The following SLC9A3 variants were observed in gnomAD, a reference collection of about 807,000 sequenced individuals.
SLC9A3 encodes the protein solute carrier family 9 member A3.
In SLC9A3, 37 loss-of-function variants were observed where a neutral mutation model predicts 86.8. That is an observed-to-expected ratio of 0.43 (90% CI 0.33 to 0.56). The LOEUF is 0.56. Ranked by LOEUF, SLC9A3 falls within the 20% of genes least tolerant of loss-of-function variation. The pLI is 0.06. For synonymous variants in SLC9A3, 581 were observed against 528.3 expected, an observed-to-expected ratio of 1.10 and a Z score of -1.37; for missense variants, 1,011 against 1,171.9, an observed-to-expected ratio of 0.86 and a Z score of 2.00.
chr5:498,315 G>A (rs12521198), intron 1 of SLC9A3, among the ~76,000 whole-genome samples: 25,974 of 152,124 alleles, frequency 0.17, 2,865 homozygotes, highest in Non-Finnish European at 0.24. Context: ...AGGTACGGGC[G>A]GGACTCCTTC....
chr5:475,536 CACG>C (rs772401030), intron 15 of SLC9A3, 22 bp downstream of exon 15: 2 of 1,421,802 alleles, frequency 1.4e-6, no homozygotes, highest in Non-Finnish European at 1.9e-6. Flanking sequence ...CTCCCTTAGC[CACG>C]ACGCCTGTGC....
intron 1 of SLC9A3, among the ~76,000 whole-genome samples, chr5:517,243 G>T (rs900328108): frequency 9.7e-6 from 1 of 102,986 alleles, no homozygotes; most frequent in Non-Finnish European, 2.0e-5. Flanking sequence ...CCATCCATCT[G>T]TCCATTCACT....
At chr5:506,526 G>C (rs967090117) in intron 1 of SLC9A3, among the ~76,000 whole-genome samples, 1 of 152,312 alleles carries the variant, frequency 6.6e-6, no homozygotes, top group Non-Finnish European at 1.5e-5. Context: ...TCCAGAGCTG[G>C]GACAGCAGCA....
intron 1 of SLC9A3, among the ~76,000 whole-genome samples, chr5:507,261 G>A (rs1223971061): frequency 1.5e-4 from 18 of 119,276 alleles, no homozygotes; most frequent in African/African-American, 4.3e-4. Context: ...CTCCGCTCCC[G>A]GGTTCACGCC....
chr5:511,605 G>A (rs971038653), intron 1 of SLC9A3, among the ~76,000 whole-genome samples: 8 of 152,254 alleles, frequency 5.3e-5, no homozygotes, highest in Admixed American at 2.0e-4. Context: ...CCACGTACCC[G>A]TCAGCGTGGC....
chr5:473,286 G>T lies in SLC9A3; in HGVS notation c.*93C>A. The T allele has an allele frequency of 2.4e-6, 3 of 1,267,654 alleles. No homozygotes were observed. Among genetic ancestry groups the T allele is most frequent in the East Asian group, 6.3e-5 (2 of 31,502 alleles). 78.5% of individuals were successfully genotyped at this position (1,267,654 alleles called of 1,614,324 possible). ...GGCTCGCGGTCGCTGTAGCCGCGCG[G>T]GGATCTGGGGTTTCTCTGGGACAGC... On this transcript the variant is annotated 3_prime_UTR_variant, in exon 17 of 17. Coordinates refer to ENST00000264938, the MANE Select transcript of SLC9A3 (RefSeq NM_004174.4).
At position 524,398 on chromosome 5, in the gene SLC9A3, T is replaced by TGGGACCCGGCG; in HGVS notation, c.-87_-77dup. 1 of 585,444 alleles carries TGGGACCCGGCG rather than the reference T, an allele frequency of 1.7e-6. No individual in the cohort carries two copies. Among genetic ancestry groups the TGGGACCCGGCG allele is most frequent in the Non-Finnish European group, 2.3e-6 (1 of 429,162 alleles). 36.3% of individuals were successfully genotyped at this position (585,444 alleles called of 1,614,324 possible). On this transcript the variant is annotated 5_prime_UTR_variant, in exon 1 of 17. Coordinates refer to ENST00000264938, the MANE Select transcript of SLC9A3 (RefSeq NM_004174.4). ...GCTGGGCTGGGCCGACGCGCGGGGC[T>TGGGACCCGGCG]GGGACCCGGCGAGGACCCGGCGCGC... is the stretch of plus-strand genomic sequence containing the variant.
intron 16 of SLC9A3, among the ~76,000 whole-genome samples, chr5:474,406 A>G (rs2561678): frequency 0.028 from 188 of 6,722 alleles, 1 homozygote; most frequent in African/African-American, 0.03. Context: ...GAGAGAGAGA[A>G]CCAGGTTCAG....
intron 1 of SLC9A3, among the ~76,000 whole-genome samples, chr5:522,297 C>T (rs185536097): frequency 6.6e-6 from 1 of 152,380 alleles, no homozygotes; most frequent in African/African-American, 2.4e-5. Context: ...AGGCTTTTCC[C>T]TGTGAATAAC....
intron 4 of SLC9A3, 129 bp downstream of exon 4, chr5:485,024 G>A (rs911565788): frequency 1.7e-4 from 129 of 739,164 alleles, no homozygotes; most frequent in African/African-American, 1.6e-3. Context: ...GGGACGTGAC[G>A]TGGACAGAAG....
chr5:477,498 T>TCAG, intron 10 of SLC9A3, 54 bp from the exon 11 acceptor site: 2 of 1,310,778 alleles, frequency 1.5e-6, no homozygotes, highest in Non-Finnish European at 2.2e-6. Context: ...CCCTAGCTGC[T>TCAG]GCCATTGTGT....
chr5:483,031 A>G (rs1390877245), intron 6 of SLC9A3, among the ~76,000 whole-genome samples: 2 of 151,834 alleles, frequency 1.3e-5, no homozygotes, highest in Admixed American at 6.6e-5. Context: ...CTCTCGTGCC[A>G]CTGACCCTGT....
rs200888787 is a variant in SLC9A3 at position 485,244 on chromosome 5, C to T, written c.676-13G>A. 18 of 1,612,116 alleles carry T rather than the reference C, an allele frequency of 1.1e-5. No homozygotes were observed. Among genetic ancestry groups the T allele is most frequent in the Middle Eastern group, 1.7e-4 (1 of 6,058 alleles). On this transcript the variant is annotated splice_polypyrimidine_tract_variant and intron_variant, in intron 3 of 16. Coordinates refer to ENST00000264938, the MANE Select transcript of SLC9A3 (RefSeq NM_004174.4). ...CATTGTACAGAACCTGCAGGGAAAA[C>T]GGGCAGGGCGTTGGGTGGTCCTTGG...
At chr5:473,428 G>A in intron 16 of SLC9A3, 46 bp from the exon 17 acceptor site, 1 of 1,342,040 alleles carries the variant, frequency 7.5e-7, no homozygotes, top group Non-Finnish European at 9.6e-7. Flanking sequence ...CCGGGCGCTG[G>A]GGCGGGAGGG....
At position 473,050 on chromosome 5, in the gene SLC9A3, G is replaced by A. The variant is rs1738469617; in HGVS notation, c.*329C>T. On this transcript the variant is annotated 3_prime_UTR_variant, in exon 17 of 17. Transcript: ENST00000264938. ...GACGCCAGCTTCAGCAGCGCGGGGCGGCGGCGCGCGCGAGGCCGCTGGAAC... is the reference window on the plus strand; with the variant it reads ...GACGCCAGCTTCAGCAGCGCGGGGCAGCGGCGCGCGCGAGGCCGCTGGAAC... 1 of 330,112 alleles carries A rather than the reference G, an allele frequency of 3.0e-6. No individual in the cohort carries two copies. The allele number at this position is 330,112 out of a possible 1,614,324, so 20.4% of individuals were successfully genotyped here. A position where few individuals can be genotyped will look rare whatever the true frequency, so the allele number is the denominator to read the frequency against.
chr5:523,595 G>A (rs1291949073), intron 1 of SLC9A3, among the ~76,000 whole-genome samples: 1 of 150,174 alleles, frequency 6.7e-6, no homozygotes, highest in South Asian at 2.1e-4. Flanking sequence ...CTGACCGACC[G>A]GGATTTTCTA....
chr5:477,260 G>A, intron 11 of SLC9A3, 72 bp downstream of exon 11: 1 of 1,109,048 alleles, frequency 9.0e-7, no homozygotes, highest in Non-Finnish European at 1.3e-6. Flanking sequence ...AGCCACCACA[G>A]CCCTGTCTGT....
chr5:486,233 G>A (rs1739455297), intron 3 of SLC9A3, among the ~76,000 whole-genome samples: 1 of 152,080 alleles, frequency 6.6e-6, no homozygotes, highest in African/African-American at 2.4e-5. Context: ...GGGGGAGGAT[G>A]GGCAGGGGCA....
intron 1 of SLC9A3, among the ~76,000 whole-genome samples, chr5:502,700 C>T (rs1740347323): frequency 6.6e-6 from 1 of 152,208 alleles, no homozygotes; most frequent in Non-Finnish European, 1.5e-5. Context: ...TGGAACAGGG[C>T]TTGGCACATT....
Sources: allele counts gnomAD v4.1 joint callset (sites outside exome capture counted in the v4.1 genomes callset), GRCh38; gene constraint gnomAD v4.1.1; transcripts MANE v1.5; gene names NCBI Gene and HGNC (gene_info 2026-07-23, HGNC 2026-07-21).